GPC6: variants seen among roughly 807,000 people sequenced by gnomAD.
The protein encoded by GPC6 is glypican-6.
Under a neutral mutation model 55.2 loss-of-function variants are expected in GPC6, and 14 were observed. The observed-to-expected ratio is 0.25, with a 90% confidence interval of 0.17 to 0.40. The LOEUF is 0.40. Ranked by LOEUF, GPC6 falls within the 10% of genes least tolerant of loss-of-function variation. The pLI, the probability that GPC6 is intolerant of heterozygous loss-of-function variation, is 1.00. For synonymous variants in GPC6, 278 were observed against 259.6 expected (o/e 1.07, Z -0.68); for missense variants, 641 against 708.5 (o/e 0.90, Z 1.08).
At chr13:93,603,702 C>A (rs1233584571) in intron 2 of GPC6, among the ~76,000 whole-genome samples, 3 of 152,180 alleles carry the variant, frequency 2.0e-5, no homozygotes, top group Non-Finnish European at 2.9e-5. Context: ...ACTTTCAAAC[C>A]TAAGCATGCA....
chr13:94,311,346 C>G (rs1594156878), intron 6 of GPC6, among the ~76,000 whole-genome samples: 2 of 151,856 alleles, frequency 1.3e-5, no homozygotes, highest in Admixed American at 1.3e-4. Flanking sequence ...TTTTTGTATT[C>G]TTAGTAGAGA....
intron 3 of GPC6, among the ~76,000 whole-genome samples, chr13:93,897,474 A>G (rs1876081851): frequency 1.3e-5 from 2 of 152,162 alleles, no homozygotes; most frequent in African/African-American, 2.4e-5. Context: ...GAAAAATCAA[A>G]TGAAACAATT....
intron 3 of GPC6, among the ~76,000 whole-genome samples, chr13:94,018,109 C>G (rs999418252): frequency 1.3e-5 from 2 of 152,048 alleles, no homozygotes; most frequent in Non-Finnish European, 2.9e-5. Context: ...TCCTACTTTT[C>G]TGTATATTTT....
At chr13:94,341,430 C>T (rs1203472895) in intron 6 of GPC6, among the ~76,000 whole-genome samples, 4 of 151,870 alleles carry the variant, frequency 2.6e-5, no homozygotes, top group South Asian at 2.1e-4. Context: ...ACTAAAAATA[C>T]AAAAAATTAG....
intron 1 of GPC6, among the ~76,000 whole-genome samples, chr13:93,295,767 G>A (rs1035003606): frequency 6.6e-6 from 1 of 152,146 alleles, no homozygotes; most frequent in East Asian, 1.9e-4. Context: ...GAGTGCAGTG[G>A]GTGCCATGTC....
At chr13:93,660,244 A>G (rs890146498) in intron 2 of GPC6, among the ~76,000 whole-genome samples, 1 of 152,134 alleles carries the variant, frequency 6.6e-6, no homozygotes, top group Non-Finnish European at 1.5e-5. Context: ...AGAGCTTTTG[A>G]ATTACTTATG....
intron 4 of GPC6, among the ~76,000 whole-genome samples, chr13:94,037,933 C>T (rs896378540): frequency 3.3e-5 from 5 of 151,952 alleles, no homozygotes; most frequent in Non-Finnish European, 7.4e-5. Flanking sequence ...TGACATATGT[C>T]TAGTAAGACT....
chr13:93,602,427 A>C lies in GPC6; in HGVS notation c.319+57006A>C, dbSNP rs187859361. Among the ~76,000 whole-genome samples, 185 of 152,300 alleles carry C rather than the reference A, an allele frequency of 1.2e-3. 1 individual carries two copies. Among genetic ancestry groups the C allele is most frequent in the Non-Finnish European group, 1.2e-3 (83 of 68,024 alleles). On this transcript the variant is annotated intron_variant, in intron 2 of 8. Coordinates refer to ENST00000377047, the MANE Select transcript of GPC6 (RefSeq NM_005708.5). ...CCTCATTGCCATTTAGAATGGGTGG[A>C]TAATTAGTTTGGCATTAACCTTGAA...
chr13:94,082,176 A>C (rs967055334), intron 4 of GPC6, among the ~76,000 whole-genome samples: 1 of 152,096 alleles, frequency 6.6e-6, no homozygotes, highest in South Asian at 2.1e-4. Context: ...ACAAAAAAAG[A>C]TGAGACTAAT....
chr13:94,105,354 CAAAATAT>C (rs58692792), intron 4 of GPC6, among the ~76,000 whole-genome samples: 84,508 of 151,838 alleles, frequency 0.56, 23,657 homozygotes, highest in Middle Eastern at 0.62. Context: ...GCAAATAGAG[CAAAATAT>C]CCTGTTTCAA....
intron 4 of GPC6, among the ~76,000 whole-genome samples, chr13:94,099,964 G>T (rs918640851): frequency 7.2e-5 from 11 of 152,144 alleles, no homozygotes; most frequent in Admixed American, 2.6e-4. Flanking sequence ...ATACTTGAGG[G>T]TAGAGGGTGG....
At chr13:94,108,164 G>T (rs988724679) in intron 4 of GPC6, among the ~76,000 whole-genome samples, 6 of 152,094 alleles carry the variant, frequency 3.9e-5, no homozygotes, top group Admixed American at 6.6e-5. Context: ...ACAAGTGGAT[G>T]AAGAAACTGT....
At chr13:94,137,655 T>C (rs1170594983) in intron 4 of GPC6, among the ~76,000 whole-genome samples, 2 of 152,192 alleles carry the variant, frequency 1.3e-5, no homozygotes, top group Non-Finnish European at 2.9e-5. Context: ...ATTATCAATA[T>C]AGTATCCCTG....
At chr13:94,392,160 ACTTCT>A (rs1314468885) in intron 7 of GPC6, among the ~76,000 whole-genome samples, 21 of 152,180 alleles carry the variant, frequency 1.4e-4, no homozygotes, top group African/African-American at 5.1e-4. Context: ...ATATCTGTAT[ACTTCT>A]CTTCACAGTA....
At chr13:93,572,588 T>G (rs2139476578) in intron 2 of GPC6, among the ~76,000 whole-genome samples, 1 of 152,286 alleles carries the variant, frequency 6.6e-6, no homozygotes, top group African/African-American at 2.4e-5. Flanking sequence ...TATAGAATTC[T>G]TAAGCTTCAA....
chr13:93,891,718 A>C (rs1875692384), intron 3 of GPC6, among the ~76,000 whole-genome samples: 1 of 152,026 alleles, frequency 6.6e-6, no homozygotes, highest in East Asian at 1.9e-4. Context: ...GTATGTGTGC[A>C]TACAGTGTGT....
intron 1 of GPC6, among the ~76,000 whole-genome samples, chr13:93,281,388 C>T (rs1877943908): frequency 6.6e-6 from 1 of 152,036 alleles, no homozygotes; most frequent in Admixed American, 6.6e-5. Context: ...CAAATTAAAG[C>T]ATTGAAAGAA....
chr13:93,792,819 A>C (rs1886087164), intron 2 of GPC6, among the ~76,000 whole-genome samples: 1 of 152,170 alleles, frequency 6.6e-6, no homozygotes, highest in Admixed American at 6.5e-5. Context: ...GGATCAGTAG[A>C]GGTGAGCTTC....
chr13:93,764,771 C>T (rs1885060778), intron 2 of GPC6, among the ~76,000 whole-genome samples: 1 of 151,954 alleles, frequency 6.6e-6, no homozygotes, highest in East Asian at 1.9e-4. Context: ...AGAATTAAGT[C>T]ATTCAGAAAA....
Sources: gnomAD v4.1 joint callset for allele counts (sites outside exome capture counted in the v4.1 genomes callset) on GRCh38, gnomAD v4.1.1 for gene constraint, MANE v1.5 for transcripts, NCBI Gene and HGNC (gene_info 2026-07-23, HGNC 2026-07-21) for gene names.